Variants in PLCB4 observed in about 807,000 individuals in gnomAD.
PLCB4 encodes phospholipase C beta 4.
A neutral mutation model predicts 178.8 loss-of-function variants in PLCB4; 77 were observed. The observed-to-expected ratio is 0.43, with a 90% CI of 0.36 to 0.52. The LOEUF (loss-of-function observed/expected upper bound fraction) is 0.52, where lower values mean the gene tolerates loss of function less well. PLCB4 is among the 20% of genes least tolerant of loss of function. The pLI is 0.00. For synonymous variants in PLCB4, 496 were observed against 490.8 expected, an observed-to-expected ratio of 1.01 and a Z score of -0.14; for missense variants, 1,024 against 1,453.4, an observed-to-expected ratio of 0.70 and a Z score of 4.80.
intron 1 of PLCB4, among the ~76,000 whole-genome samples, chr20:9,072,447 T>C (rs373560008): frequency 7.9e-5 from 12 of 152,062 alleles, no homozygotes; most frequent in African/African-American, 2.9e-4. Flanking sequence ...TACATGTTCC[T>C]AGGCTGTGAT....
At chr20:9,457,931 T>G (rs1328454443) in intron 34 of PLCB4, among the ~76,000 whole-genome samples, 1 of 152,074 alleles carries the variant, frequency 6.6e-6, no homozygotes, top group African/African-American at 2.4e-5. Context: ...GAGCTGATAT[T>G]CTAAAAGAGA....
chr20:9,289,348 C>G (rs140852324), intron 3 of PLCB4, among the ~76,000 whole-genome samples: 1 of 151,790 alleles, frequency 6.6e-6, no homozygotes, highest in Admixed American at 6.6e-5. Flanking sequence ...TTGGAACACT[C>G]TACAAACAAA....
At chr20:9,213,651 G>A (rs1364315370) in intron 2 of PLCB4, among the ~76,000 whole-genome samples, 1 of 152,098 alleles carries the variant, frequency 6.6e-6, no homozygotes, top group African/African-American at 2.4e-5. Context: ...ATGGATATAT[G>A]TTTTCATTTT....
At chr20:9,448,170 C>T (rs1028956304) in intron 32 of PLCB4, among the ~76,000 whole-genome samples, 7 of 152,120 alleles carry the variant, frequency 4.6e-5, no homozygotes, top group East Asian at 1.9e-4. Flanking sequence ...CCCCACTAAT[C>T]GCCTGCAAAG....
chr20:9,170,138 C>T (rs1487760985), intron 2 of PLCB4, among the ~76,000 whole-genome samples: 1 of 152,102 alleles, frequency 6.6e-6, no homozygotes, highest in African/African-American at 2.4e-5. Context: ...CTTCCCCAAC[C>T]TTTACGTTCT....
At chr20:9,122,277 T>G (rs2091984333) in intron 2 of PLCB4, among the ~76,000 whole-genome samples, 2 of 152,194 alleles carry the variant, frequency 1.3e-5, no homozygotes, top group Non-Finnish European at 2.9e-5. Flanking sequence ...AACTCGATGT[T>G]ATATACATTA....
At position 9,108,926 on chromosome 20, in the gene PLCB4, AAAG is replaced by A. The variant is rs1439754218; in HGVS notation, c.-79+12586_-79+12588del. 8.9e-5 allele frequency among the ~76,000 whole-genome samples: 13 copies of A among 145,974 alleles called. No homozygotes were observed. The East Asian group carries it at 2.7e-3, about 30-fold the overall frequency. On this transcript the variant is annotated intron_variant, in intron 2 of 39. Transcript: ENST00000378473. ...GAGAGAGAGAGAGAGAGAGAGAGAG[AAAG>A]AGAGAGAGGAGAAAGGGGTAGTTGA...
At chr20:9,072,761 T>C (rs944764606) in intron 1 of PLCB4, among the ~76,000 whole-genome samples, 2 of 152,182 alleles carry the variant, frequency 1.3e-5, no homozygotes, top group Non-Finnish European at 2.9e-5. Context: ...GAGATGAAAG[T>C]AATAATGCTG....
intron 7 of PLCB4, among the ~76,000 whole-genome samples, chr20:9,345,209 C>A (rs73066423): frequency 0.05 from 7,584 of 152,102 alleles, 262 homozygotes; most frequent in Non-Finnish European, 0.076. Context: ...ATAAATACAG[C>A]CAAATGAAGG....
chr20:9,133,071 G>A (rs189437373), intron 2 of PLCB4, among the ~76,000 whole-genome samples: 43 of 152,218 alleles, frequency 2.8e-4, no homozygotes, highest in Admixed American at 2.5e-3. Flanking sequence ...CCTAGCTGAT[G>A]CTTCCCTTTC....
intron 1 of PLCB4, among the ~76,000 whole-genome samples, chr20:9,079,825 A>T (rs2090061341): frequency 1.1e-5 from 1 of 91,860 alleles, no homozygotes; most frequent in Non-Finnish European, 2.5e-5. Context: ...GAGTAACATT[A>T]AAAAAATTTT....
intron 2 of PLCB4, among the ~76,000 whole-genome samples, chr20:9,108,983 C>T (rs2091479057): frequency 1.3e-5 from 2 of 151,718 alleles, no homozygotes. Context: ...AACCAGGTGC[C>T]TGGTAAACTT....
At chr20:9,236,552 G>A (rs1008422101) in intron 3 of PLCB4, among the ~76,000 whole-genome samples, 1 of 152,128 alleles carries the variant, frequency 6.6e-6, no homozygotes, top group Non-Finnish European at 1.5e-5. Context: ...AATCTTTCGT[G>A]TGTGTGTCTG....
intron 38 of PLCB4, 75 bp from the exon 39 acceptor site, chr20:9,476,642 C>T: frequency 9.7e-7 from 1 of 1,032,368 alleles, no homozygotes; most frequent in Non-Finnish European, 1.5e-6. Flanking sequence ...TTTTCAAATT[C>T]ACTTCAATAT....
At chr20:9,448,288 A>G (rs1009875407) in intron 32 of PLCB4, among the ~76,000 whole-genome samples, 10 of 152,224 alleles carry the variant, frequency 6.6e-5, no homozygotes, top group African/African-American at 1.7e-4. Context: ...CAGCTCTTTT[A>G]TAATAGTTTT....
At chr20:9,345,485 G>C (rs1453118811) in intron 7 of PLCB4, among the ~76,000 whole-genome samples, 1 of 152,154 alleles carries the variant, frequency 6.6e-6, no homozygotes, top group East Asian at 1.9e-4. Context: ...ATAAGTTACA[G>C]CTGGCACTGC....
intron 3 of PLCB4, among the ~76,000 whole-genome samples, chr20:9,240,982 C>G (rs1009078027): frequency 2.0e-5 from 3 of 152,140 alleles, no homozygotes; most frequent in Non-Finnish European, 4.4e-5. Flanking sequence ...GAAATCCTAT[C>G]TAATACATTG....
chr20:9,369,665 A>G (rs998562349), intron 9 of PLCB4, among the ~76,000 whole-genome samples: 1 of 152,226 alleles, frequency 6.6e-6, no homozygotes, highest in Admixed American at 6.5e-5. Flanking sequence ...TGAAACAATA[A>G]AGCTGTGAAT....
chr20:9,284,475 A>T (rs2094520220), intron 3 of PLCB4, among the ~76,000 whole-genome samples: 1 of 151,998 alleles, frequency 6.6e-6, no homozygotes, highest in African/African-American at 2.4e-5. Context: ...ATTGGCTTGT[A>T]TCCCAAGGGA....
Sources: gnomAD v4.1 joint callset for allele counts (sites outside exome capture counted in the v4.1 genomes callset) on GRCh38, gnomAD v4.1.1 for gene constraint, MANE v1.5 for transcripts, NCBI Gene and HGNC (gene_info 2026-07-23, HGNC 2026-07-21) for gene names.